The following POLN variants were observed in gnomAD, a reference collection of about 807,000 sequenced individuals.
The protein encoded by POLN is DNA polymerase nu.
In POLN, 108 loss-of-function variants were observed where a neutral mutation model predicts 113.5. The ratio of observed to expected loss-of-function variants is 0.95; its 90% CI spans 0.81 to 1.12. POLN has a LOEUF of 1.12. Ranked by LOEUF, POLN falls within the 50% of genes most tolerant of loss-of-function variation. POLN has a pLI of 0.00. For synonymous variants in POLN, 386 were observed against 391.5 expected (o/e 0.99, Z 0.17); for missense variants, 1,097 against 1,077.1 (o/e 1.02, Z -0.26).
intron 11 of POLN, among the ~76,000 whole-genome samples, chr4:2,172,191 T>G (rs1577739614): frequency 6.6e-6 from 1 of 152,170 alleles, no homozygotes; most frequent in Non-Finnish European, 1.5e-5. Flanking sequence ...CAGGGAGCCA[T>G]TCTAAGGACT....
chr4:2,131,518 G>A (rs1418331543), intron 16 of POLN, among the ~76,000 whole-genome samples: 1 of 152,134 alleles, frequency 6.6e-6, no homozygotes, highest in Non-Finnish European at 1.5e-5. Flanking sequence ...TTTGACTCTA[G>A]CCTGTGTGAC....
chr4:2,087,415 G>GC (rs1730574361), intron 20 of POLN, among the ~76,000 whole-genome samples: 2 of 152,170 alleles, frequency 1.3e-5, no homozygotes, highest in South Asian at 4.1e-4. Context: ...TCAGATGGTG[G>GC]CCAGATACAC....
At chr4:2,181,407 A>G (rs1308307045) in intron 7 of POLN, among the ~76,000 whole-genome samples, 1 of 152,150 alleles carries the variant, frequency 6.6e-6, no homozygotes, top group Non-Finnish European at 1.5e-5. Context: ...CAGCCTCCCA[A>G]AGTGCTGGGA....
intron 16 of POLN, among the ~76,000 whole-genome samples, chr4:2,142,588 T>G (rs1732029749): frequency 6.6e-6 from 1 of 151,896 alleles, no homozygotes; most frequent in African/African-American, 2.4e-5. Flanking sequence ...CTCACAGAGG[T>G]GAGTCCCAGG....
intron 11 of POLN, 46 bp from the exon 12 acceptor site, chr4:2,171,227 A>T (rs778510848): frequency 6.5e-7 from 1 of 1,538,646 alleles, no homozygotes. Context: ...AGTTTTCACA[A>T]TTTAAGATTG....
At chr4:2,226,241 G>A (rs1734389004) in intron 3 of POLN, among the ~76,000 whole-genome samples, 1 of 152,172 alleles carries the variant, frequency 6.6e-6, no homozygotes, top group Admixed American at 6.5e-5. Flanking sequence ...CACCCGCTGA[G>A]CTCACAACTC....
At chr4:2,155,666 A>T (rs1050895756) in intron 16 of POLN, among the ~76,000 whole-genome samples, 1 of 152,216 alleles carries the variant, frequency 6.6e-6, no homozygotes, top group African/African-American at 2.4e-5. Flanking sequence ...CCATGAATAC[A>T]TATTCATATT....
intron 16 of POLN, among the ~76,000 whole-genome samples, chr4:2,153,499 G>C (rs1732342496): frequency 6.6e-6 from 1 of 152,070 alleles, no homozygotes; most frequent in Admixed American, 6.5e-5. Context: ...GCTATTGCGG[G>C]GATATGGAGT....
At chr4:2,206,418 G>A (rs564406530) in intron 5 of POLN, among the ~76,000 whole-genome samples, 50 of 152,274 alleles carry the variant, frequency 3.3e-4, no homozygotes, top group African/African-American at 1.2e-3. Flanking sequence ...TAAACTAAAA[G>A]GCTTTTGCAT....
chr4:2,218,764 T>C (rs1225664175), intron 3 of POLN, among the ~76,000 whole-genome samples: 1 of 152,222 alleles, frequency 6.6e-6, no homozygotes, highest in African/African-American at 2.4e-5. Flanking sequence ...GCATTTCATA[T>C]ACCTGAGGCC....
At chr4:2,109,492 T>A (rs937830578) in intron 19 of POLN, among the ~76,000 whole-genome samples, 1 of 152,258 alleles carries the variant, frequency 6.6e-6, no homozygotes, top group Non-Finnish European at 1.5e-5. Flanking sequence ...AATGAATGAT[T>A]GAATGAAATG....
intron 7 of POLN, among the ~76,000 whole-genome samples, chr4:2,187,459 G>C (rs551710085): frequency 6.6e-6 from 1 of 152,188 alleles, no homozygotes; most frequent in African/African-American, 2.4e-5. Flanking sequence ...GGCCAGGCTG[G>C]TCTCGAACTC....
At chr4:2,210,193 C>A (rs1035417365) in intron 4 of POLN, among the ~76,000 whole-genome samples, 9 of 151,514 alleles carry the variant, frequency 5.9e-5, no homozygotes, top group African/African-American at 2.2e-4. Flanking sequence ...ATTAAAAATT[C>A]CATGGAGGAG....
intron 16 of POLN, among the ~76,000 whole-genome samples, chr4:2,134,261 T>G (rs1349849610): frequency 6.6e-6 from 1 of 152,242 alleles, no homozygotes; most frequent in African/African-American, 2.4e-5. Flanking sequence ...TATTCACTTC[T>G]AAAAAGACAT....
chr4:2,207,544 C>G (rs903223923), intron 5 of POLN, among the ~76,000 whole-genome samples: 1 of 151,774 alleles, frequency 6.6e-6, no homozygotes, highest in African/African-American at 2.4e-5. Context: ...GAATAAAACA[C>G]AAATAACCCA....
At position 2,171,166 on chromosome 4, in the gene POLN, A is replaced by T; in HGVS notation, c.1390T>A (p.Leu464Met). 1.9e-6 allele frequency: 3 copies of T among 1,613,438 alleles called. No homozygotes were observed. The highest frequency in any genetic ancestry group is 2.5e-6 in the Non-Finnish European group (3 of 1,179,700). ...SALLGARLKE[L>M]EQEAHFVAGE... ...GCAACAAAATGAGCTTCTTGCTCCA[A>T]TTCCTTGAGACGAGCCTGAAAATAT... The change falls in exon 12 of 26, where the codon TTG (leucine) becomes ATG (methionine). Residue 464 changes from leucine to methionine, a missense_variant. Physicochemically the swap from Leu to Met is conservative, Grantham distance 15. Coordinates refer to ENST00000511885, the MANE Select transcript of POLN (RefSeq NM_181808.4).
intron 19 of POLN, among the ~76,000 whole-genome samples, chr4:2,108,956 G>A (rs1214774002): frequency 6.6e-6 from 1 of 152,086 alleles, no homozygotes; most frequent in African/African-American, 2.4e-5. Context: ...TGGTGGTTCT[G>A]CTCATTCACA....
chr4:2,153,104 T>C (rs1274653790), intron 16 of POLN, among the ~76,000 whole-genome samples: 1 of 152,120 alleles, frequency 6.6e-6, no homozygotes, highest in African/African-American at 2.4e-5. Flanking sequence ...CACAAATAGC[T>C]AGAGTGGGAC....
At chr4:2,092,012 CAA>C (rs35293323) in intron 20 of POLN, among the ~76,000 whole-genome samples, 2,774 of 152,260 alleles carry the variant, frequency 0.018, 50 homozygotes, top group East Asian at 0.062. Context: ...ACGCTGCTTT[CAA>C]AACTCAGCTC....
Sources: allele counts gnomAD v4.1 joint callset (sites outside exome capture counted in the v4.1 genomes callset), GRCh38; gene constraint gnomAD v4.1.1; transcripts MANE v1.5; gene names NCBI Gene and HGNC (gene_info 2026-07-23, HGNC 2026-07-21).